Variants in MAGI2 observed in about 807,000 individuals in gnomAD.
MAGI2 encodes the protein membrane associated guanylate kinase, WW and PDZ domain containing 2, also known as membrane-associated guanylate kinase, WW and PDZ domain-containing protein 2.
A neutral mutation model predicts 133.3 loss-of-function variants in MAGI2; 35 were observed. The observed-to-expected ratio is 0.26, with a 90% CI of 0.20 to 0.35. The LOEUF is 0.35. MAGI2 is among the 10% of genes least tolerant of loss of function. The pLI is 1.00. For synonymous variants in MAGI2, 729 were observed against 710.6 expected (o/e 1.03, Z -0.41); for missense variants, 1,636 against 1,863.4 (o/e 0.88, Z 2.25).
At chr7:78,910,263 CT>C (rs71085572) in intron 2 of MAGI2, among the ~76,000 whole-genome samples, 1,346 of 128,008 alleles carry the variant, frequency 0.011, 5 homozygotes, top group African/African-American at 0.02. Context: ...TAAAGTAATT[CT>C]TTTTTTTTTT....
chr7:79,212,828 G>C (rs1829615355), intron 1 of MAGI2, among the ~76,000 whole-genome samples: 1 of 152,010 alleles, frequency 6.6e-6, no homozygotes, highest in East Asian at 1.9e-4. Context: ...CACTCAGCCT[G>C]GTAGTTCTTC....
At chr7:78,743,969 GTA>G (rs1822676549) in intron 2 of MAGI2, among the ~76,000 whole-genome samples, 1 of 151,894 alleles carries the variant, frequency 6.6e-6, no homozygotes, top group African/African-American at 2.4e-5. Context: ...TACTTTTTGT[GTA>G]TGAGTATTTA....
At chr7:78,363,170 A>G (rs1291806336) in intron 7 of MAGI2, among the ~76,000 whole-genome samples, 1 of 152,188 alleles carries the variant, frequency 6.6e-6, no homozygotes, top group Admixed American at 6.5e-5. Context: ...CGCCTTTGGA[A>G]GCCATTTTCT....
Position 79,202,539 on chromosome 7 carries a change from C to T in MAGI2, c.302-195333G>A, listed in dbSNP as rs114414993. ...TACGAACTTCATATGACTTAGGATCCACTAACTACCATACTATTAAAGACA... is the reference window on the plus strand; with the variant it reads ...TACGAACTTCATATGACTTAGGATCTACTAACTACCATACTATTAAAGACA... On this transcript the variant is annotated intron_variant, in intron 1 of 21. Coordinates refer to ENST00000354212, the MANE Select transcript of MAGI2 (RefSeq NM_012301.4). Among the ~76,000 whole-genome samples, 69 of 151,846 alleles carry T rather than the reference C, an allele frequency of 4.5e-4. 1 individual carries two copies. Among genetic ancestry groups the T allele is most frequent in the African/African-American group, 1.6e-3 (67 of 41,294 alleles).
chr7:79,397,610 T>C (rs1259449660), intron 1 of MAGI2, among the ~76,000 whole-genome samples: 1 of 152,130 alleles, frequency 6.6e-6, no homozygotes, highest in African/African-American at 2.4e-5. Flanking sequence ...TCTAACCAGC[T>C]TTTAGTATTA....
chr7:79,071,421 G>A (rs1181256512), intron 1 of MAGI2, among the ~76,000 whole-genome samples: 1 of 152,034 alleles, frequency 6.6e-6, no homozygotes, highest in Non-Finnish European at 1.5e-5. Flanking sequence ...CAGGATACAC[G>A]GGGGTCAGGG....
intron 2 of MAGI2, among the ~76,000 whole-genome samples, chr7:78,829,310 C>CT (rs1186702122): frequency 3.3e-5 from 5 of 151,788 alleles, no homozygotes; most frequent in African/African-American, 1.2e-4. Flanking sequence ...AAACATATGC[C>CT]TTTTTTGTTT....
intron 1 of MAGI2, among the ~76,000 whole-genome samples, chr7:79,285,816 A>G (rs946616959): frequency 2.6e-5 from 4 of 152,126 alleles, no homozygotes; most frequent in African/African-American, 9.6e-5. Flanking sequence ...GTAGTTCTTT[A>G]AAGTATTCAA....
At chr7:78,907,162 G>C (rs1385264266) in intron 2 of MAGI2, among the ~76,000 whole-genome samples, 1 of 152,176 alleles carries the variant, frequency 6.6e-6, no homozygotes, top group Non-Finnish European at 1.5e-5. Context: ...GTTCCGAAGA[G>C]AGGACAGAAG....
chr7:79,448,893 T>C (rs965785441), intron 1 of MAGI2, among the ~76,000 whole-genome samples: 1 of 152,054 alleles, frequency 6.6e-6, no homozygotes, highest in African/African-American at 2.4e-5. Flanking sequence ...ACATTCGAGG[T>C]CATACCATTT....
intron 1 of MAGI2, among the ~76,000 whole-genome samples, chr7:79,372,127 A>G (rs775290631): frequency 1.3e-5 from 2 of 152,080 alleles, no homozygotes; most frequent in Non-Finnish European, 2.9e-5. Flanking sequence ...TACTTAATCT[A>G]TAGTGCTTTC....
intron 1 of MAGI2, among the ~76,000 whole-genome samples, chr7:79,260,544 C>G (rs1027218984): frequency 6.6e-6 from 1 of 152,110 alleles, no homozygotes; most frequent in Non-Finnish European, 1.5e-5. Context: ...TCAACAAATA[C>G]AGGTTGAGCA....
chr7:78,586,381 A>G (rs1335590604), intron 3 of MAGI2, among the ~76,000 whole-genome samples: 1 of 148,252 alleles, frequency 6.7e-6, no homozygotes, highest in East Asian at 2.1e-4. Context: ...CACCCATAAC[A>G]TCTAAGAATT....
chr7:78,556,117 A>G (rs1250708295), intron 3 of MAGI2, among the ~76,000 whole-genome samples: 2 of 152,210 alleles, frequency 1.3e-5, no homozygotes, highest in Non-Finnish European at 2.9e-5. Context: ...AAAAGTATAT[A>G]TATATATGAT....
At chr7:79,337,986 G>A (rs376280567) in intron 1 of MAGI2, among the ~76,000 whole-genome samples, 1 of 152,082 alleles carries the variant, frequency 6.6e-6, no homozygotes, top group African/African-American at 2.4e-5. Context: ...AGTGATGATT[G>A]AGCAGCAATG....
At chr7:78,859,468 G>A (rs2151496958) in intron 2 of MAGI2, among the ~76,000 whole-genome samples, 1 of 152,216 alleles carries the variant, frequency 6.6e-6, no homozygotes, top group South Asian at 2.1e-4. Context: ...TTGTTCGTCT[G>A]TAAAGGATTT....
At position 78,194,900 on chromosome 7, in the gene MAGI2, T is replaced by C. The variant is rs1828578572; in HGVS notation, c.2243A>G (p.Lys748Arg). 3 of 1,608,528 alleles carry C rather than the reference T, an allele frequency of 1.9e-6. No individual in the cohort carries two copies. The highest frequency in any genetic ancestry group is 2.5e-6 in the Non-Finnish European group (3 of 1,178,368). Residue 748 changes from lysine (K) to arginine (R), a missense_variant, in exon 12 of 22, where the codon AAA (lysine) becomes AGA (arginine). Physicochemically the swap from Lys to Arg is conservative, Grantham distance 26 (BLOSUM62 2). This residue lies in a region of MAGI2 where 920 missense variants were observed against 1,093.5 expected (regional missense o/e 0.84). Coordinates refer to ENST00000354212, the MANE Select transcript of MAGI2 (RefSeq NM_012301.4). Reference sequence around the variant, plus strand: ...CCTACTTTCATAAATGGCCCTAGATTTCTCGTAGAGCTCATATGGATCAGG... The same window carrying C: ...CCTACTTTCATAAATGGCCCTAGATCTCTCGTAGAGCTCATATGGATCAGG... ...RKPDPYELYE[K>R]SRAIYESRQQ... is the part of the protein sequence containing the mutation.
At chr7:78,145,727 G>C (rs1823245667) in intron 16 of MAGI2, among the ~76,000 whole-genome samples, 1 of 152,122 alleles carries the variant, frequency 6.6e-6, no homozygotes, top group Non-Finnish European at 1.5e-5. Context: ...TCTGTTCATT[G>C]TAAATCACCC....
chr7:78,186,399 C>G lies in MAGI2; in HGVS notation c.2270-729G>C, dbSNP rs1004104440. ...GTTGCTCTCATACATGAACATTTTT[C>G]AGGGGTAGGCAAGGCTCCAATTGAT... On this transcript the variant is annotated intron_variant, in intron 12 of 21. Coordinates refer to ENST00000354212, the MANE Select transcript of MAGI2 (RefSeq NM_012301.4). Among the ~76,000 whole-genome samples the G allele has an allele frequency of 7.9e-5, 12 of 152,228 alleles. No homozygotes were observed. In the South Asian group the frequency reaches 1.0e-3, roughly 13 times the overall value.
Sources: gnomAD v4.1 joint callset for allele counts (sites outside exome capture counted in the v4.1 genomes callset) on GRCh38, gnomAD v4.1.1 for gene constraint, gnomAD v4.1.1 regional missense constraint, MANE v1.5 for transcripts, NCBI Gene and HGNC (gene_info 2026-07-23, HGNC 2026-07-21) for gene names.